MSRA: variants seen among roughly 807,000 people sequenced by gnomAD.
MSRA encodes methionine sulfoxide reductase A, also known as mitochondrial peptide methionine sulfoxide reductase.
MSRA carries 54 observed loss-of-function variants against 31.3 expected under a neutral mutation model. The observed-to-expected ratio is 1.73, with a 90% CI of 1.39 to 2.17. The LOEUF is 2.17. Among genes scored for constraint, MSRA ranks in the 30% most tolerant of loss-of-function variants. MSRA has a pLI of 0.00. For missense variants in MSRA, 507 were observed against 300.9 expected (o/e 1.69, Z -5.07); for synonymous variants, 169 against 116.5 (o/e 1.45, Z -2.90).
intron 5 of MSRA, among the ~76,000 whole-genome samples, chr8:10,323,089 C>CCAAAA (rs1321500290): frequency 1.8e-5 from 2 of 112,338 alleles, no homozygotes; most frequent in Non-Finnish European, 1.7e-5. Flanking sequence ...GACTCCATCT[C>CCAAAA]AAAAAAAAAA....
chr8:10,106,269 T>A lies in MSRA; in HGVS notation c.142+51611T>A, dbSNP rs138617531. Among the ~76,000 whole-genome samples the A allele has an allele frequency of 4.8e-4, 73 of 152,308 alleles. No homozygotes were observed. The East Asian group carries it at 0.013, about 27-fold the overall frequency. On this transcript the variant is annotated intron_variant, in intron 1 of 5. Transcript: ENST00000317173. Reference sequence around the variant, plus strand: ...CTCAGTCAATTCCAGTTGGCCTTATTGTACTCGTTTGCCATTTACTGCAGG... The same window carrying A: ...CTCAGTCAATTCCAGTTGGCCTTATAGTACTCGTTTGCCATTTACTGCAGG...
chr8:10,181,751 G>A (rs1041422909), intron 1 of MSRA, among the ~76,000 whole-genome samples: 4 of 152,148 alleles, frequency 2.6e-5, no homozygotes, highest in African/African-American at 4.8e-5. Flanking sequence ...TGGTCCAGAC[G>A]TATTATGAAG....
At chr8:10,243,467 TACTC>T (rs1451454643) in intron 2 of MSRA, among the ~76,000 whole-genome samples, 4 of 152,204 alleles carry the variant, frequency 2.6e-5, no homozygotes, top group Admixed American at 6.5e-5. Context: ...TTTTTATAGA[TACTC>T]AATAAATATT....
At chr8:10,130,868 C>T (rs546074839) in intron 1 of MSRA, among the ~76,000 whole-genome samples, 1 of 152,226 alleles carries the variant, frequency 6.6e-6, no homozygotes, top group African/African-American at 2.4e-5. Flanking sequence ...ATGACACCTC[C>T]GAGGAATAGC....
At chr8:10,205,313 G>A (rs1306031475) in intron 1 of MSRA, among the ~76,000 whole-genome samples, 1 of 152,024 alleles carries the variant, frequency 6.6e-6, no homozygotes, top group Non-Finnish European at 1.5e-5. Context: ...AGAAGTGAGG[G>A]GGATGCTACA....
chr8:10,125,252 T>C (rs1401151374), intron 1 of MSRA, among the ~76,000 whole-genome samples: 3 of 152,230 alleles, frequency 2.0e-5, no homozygotes, highest in African/African-American at 7.2e-5. Flanking sequence ...CTCTGCTTCC[T>C]CTGTGTGTAG....
chr8:10,187,848 T>G (rs1807184747), intron 1 of MSRA, among the ~76,000 whole-genome samples: 1 of 152,206 alleles, frequency 6.6e-6, no homozygotes, highest in South Asian at 2.1e-4. Flanking sequence ...GAAAGAACTA[T>G]CAATTATTTG....
intron 3 of MSRA, among the ~76,000 whole-genome samples, chr8:10,278,521 C>T (rs1380908866): frequency 1.3e-5 from 2 of 152,362 alleles, no homozygotes; most frequent in Admixed American, 1.3e-4. Flanking sequence ...TTGAAATCTA[C>T]ATCCAGCCCA....
At chr8:10,365,184 A>G (rs1730923531) in intron 5 of MSRA, among the ~76,000 whole-genome samples, 1 of 150,774 alleles carries the variant, frequency 6.6e-6, no homozygotes, top group African/African-American at 2.4e-5. Context: ...GGAAGAAGCA[A>G]ACTTTCAGCT....
intron 3 of MSRA, among the ~76,000 whole-genome samples, chr8:10,262,967 C>T (rs1798558577): frequency 1.3e-5 from 2 of 152,124 alleles, no homozygotes; most frequent in African/African-American, 4.8e-5. Flanking sequence ...TGACTCTGGC[C>T]CTGGTCCCTT....
intron 1 of MSRA, among the ~76,000 whole-genome samples, chr8:10,114,840 T>C (rs916804078): frequency 6.6e-6 from 1 of 152,188 alleles, no homozygotes; most frequent in Non-Finnish European, 1.5e-5. Flanking sequence ...GTAATATAAT[T>C]CTAGCAGAAA....
At chr8:10,362,146 C>T (rs899415798) in intron 5 of MSRA, among the ~76,000 whole-genome samples, 1 of 152,114 alleles carries the variant, frequency 6.6e-6, no homozygotes, top group Non-Finnish European at 1.5e-5. Flanking sequence ...AGTTTTCCTC[C>T]TTGTAAAATG....
chr8:10,099,110 T>TGA lies in MSRA; in HGVS notation c.142+44466_142+44467dup, dbSNP rs150794471. On this transcript the variant is annotated intron_variant, in intron 1 of 5. Transcript: ENST00000317173. The stretch of plus-strand genomic sequence containing the variant: ...GTTCGTGTGTGTGTATGTTTGTGAG[T>TGA]GAGAGAGAGAGAGAGTGCATTTAAC... 4.1e-3 allele frequency among the ~76,000 whole-genome samples: 622 copies of TGA among 151,288 alleles called. 4 individuals are homozygous for TGA. Among genetic ancestry groups the TGA allele is most frequent in the Admixed American group, 5.7e-3 (87 of 15,180 alleles).
chr8:10,323,493 A>G (rs1252216931), intron 5 of MSRA, among the ~76,000 whole-genome samples: 2 of 152,288 alleles, frequency 1.3e-5, no homozygotes, highest in East Asian at 3.9e-4. Context: ...GATGGTGAAG[A>G]GGCTTATCAC....
intron 1 of MSRA, among the ~76,000 whole-genome samples, chr8:10,100,959 T>C (rs902345053): frequency 1.4e-4 from 21 of 152,310 alleles, no homozygotes; most frequent in African/African-American, 5.1e-4. Flanking sequence ...ATCAATGTCA[T>C]TTATATCTCT....
intron 2 of MSRA, among the ~76,000 whole-genome samples, chr8:10,215,537 C>T (rs1809914675): frequency 6.6e-6 from 1 of 152,142 alleles, no homozygotes; most frequent in East Asian, 1.9e-4. Context: ...TCTATGGGAT[C>T]CATCACCTCT....
chr8:10,325,714 T>G (rs1417514186), intron 5 of MSRA, among the ~76,000 whole-genome samples: 2 of 152,212 alleles, frequency 1.3e-5, no homozygotes, highest in African/African-American at 4.8e-5. Flanking sequence ...AGCCTTTACC[T>G]TAAAAAGTTA....
At chr8:10,306,124 G>A (rs1036345344) in intron 4 of MSRA, among the ~76,000 whole-genome samples, 4 of 152,114 alleles carry the variant, frequency 2.6e-5, no homozygotes, top group Non-Finnish European at 4.4e-5. Flanking sequence ...TCCAGGCAAC[G>A]TGGTGGGTGC....
rs772058587 is a variant in MSRA, at chr8:10,054,529, ACC to A, written c.15_16del (p.Arg6GlufsTer73). On this transcript the variant is annotated frameshift_variant, in exon 1 of 6. Coordinates refer to ENST00000317173, the MANE Select transcript of MSRA (RefSeq NM_012331.5). LOFTEE classifies it high-confidence loss of function. ...CTGGCGCCCTCCCATGCTCTCGGCC[ACC>A]CGGAGGGCTTGCCAGCTCCTCCTCC... MLSA[T>X]RRACQLLLLH... 1,250 of 1,583,336 alleles carry A rather than the reference ACC, an allele frequency of 7.9e-4. No homozygotes were observed. The highest frequency in any genetic ancestry group is 1.0e-3 in the Non-Finnish European group (1,176 of 1,165,484).
Sources: allele counts gnomAD v4.1 joint callset (sites outside exome capture counted in the v4.1 genomes callset), GRCh38; gene constraint gnomAD v4.1.1; transcripts MANE v1.5; gene names NCBI Gene and HGNC (gene_info 2026-07-23, HGNC 2026-07-21).